The following DIAPH1 variants were observed in gnomAD, a reference collection of about 807,000 sequenced individuals.
DIAPH1 encodes diaphanous related formin 1, also known as protein diaphanous homolog 1.
In DIAPH1, 46 loss-of-function variants were observed where a neutral mutation model predicts 140.7. The observed-to-expected ratio is 0.33, with a 90% CI of 0.26 to 0.42. The LOEUF is 0.42. Ranked by LOEUF, DIAPH1 falls within the 10% of genes least tolerant of loss-of-function variation. DIAPH1 has a pLI of 1.00. For synonymous variants in DIAPH1, 565 were observed against 551.6 expected, an observed-to-expected ratio of 1.02 and a Z score of -0.34; for missense variants, 1,310 against 1,558.7, an observed-to-expected ratio of 0.84 and a Z score of 2.69.
rs1370810339 is a variant in DIAPH1, at chr5:141,587,161, TCTC to T, written c.178_180del (p.Glu60del). 6.2e-7 allele frequency: 1 copy of T among 1,614,102 alleles called. No homozygotes were observed. Among genetic ancestry groups the T allele is most frequent in the Non-Finnish European group, 8.5e-7 (1 of 1,179,996 alleles). ...CTATGAGCAGAATTGGGCTTTTCCT[TCTC>T]CTTCTTAATTCTCATGCTGGTAAAT... On this transcript the variant is annotated inframe_deletion, in exon 3 of 28. Transcript: ENST00000389054.
chr5:141,516,833 G>C lies in DIAPH1; in HGVS notation c.*18C>G. The C allele has an allele frequency of 1.2e-6, 2 of 1,613,612 alleles. No individual in the cohort carries two copies. The highest frequency in any genetic ancestry group is 1.7e-6 in the Non-Finnish European group (2 of 1,179,970). ...TCTGCGGCTCCGCTGAGGAGCTGCC[G>C]CGGTCACAGGACCCACATTAGCTTG... is the stretch of plus-strand genomic sequence containing the variant. On this transcript the variant is annotated 3_prime_UTR_variant, in exon 28 of 28. Coordinates refer to ENST00000389054, the MANE Select transcript of DIAPH1 (RefSeq NM_005219.5).
chr5:141,596,173 A>T (rs1039427325), intron 1 of DIAPH1, among the ~76,000 whole-genome samples: 1 of 152,132 alleles, frequency 6.6e-6, no homozygotes, highest in Non-Finnish European at 1.5e-5. Context: ...CTAAAAAATA[A>T]ATACAAAAAA....
At chr5:141,521,701 A>C (rs2099886565) in intron 27 of DIAPH1, among the ~76,000 whole-genome samples, 1 of 152,218 alleles carries the variant, frequency 6.6e-6, no homozygotes, top group Non-Finnish European at 1.5e-5. Flanking sequence ...TTTTAGCTCA[A>C]AGCAATCAGC....
At chr5:141,568,924 A>T (rs765144382) in intron 18 of DIAPH1, among the ~76,000 whole-genome samples, 2 of 152,162 alleles carry the variant, frequency 1.3e-5, no homozygotes, top group East Asian at 1.9e-4. Context: ...CTAGATAAAC[A>T]TGTCTTATTT....
intron 25 of DIAPH1, 55 bp from the exon 26 acceptor site, chr5:141,526,228 C>T (rs1459626830): frequency 6.2e-7 from 1 of 1,614,090 alleles, no homozygotes; most frequent in South Asian, 1.1e-5. Flanking sequence ...CTACTACCAG[C>T]CAACAGGAAC....
chr5:141,601,185 CCT>C lies in DIAPH1; in HGVS notation c.118-12937_118-12936del, dbSNP rs1229119547. 1.3e-3 allele frequency among the ~76,000 whole-genome samples: 197 copies of C among 150,366 alleles called. 1 individual carries two copies. Among genetic ancestry groups the C allele is most frequent in the African/African-American group, 4.7e-3 (191 of 40,784 alleles). ...GGCACATGTATACATATGTAACAAACCTGCACGTTGTACACATACACCCTAGA... is the reference window on the plus strand; with the variant it reads ...GGCACATGTATACATATGTAACAAACGCACGTTGTACACATACACCCTAGA... On this transcript the variant is annotated intron_variant, in intron 1 of 27. Coordinates refer to ENST00000389054, the MANE Select transcript of DIAPH1 (RefSeq NM_005219.5).
At chr5:141,582,479 G>A in intron 6 of DIAPH1, 104 bp from the exon 7 acceptor site, 2 of 841,794 alleles carry the variant, frequency 2.4e-6, no homozygotes, top group Non-Finnish European at 4.1e-6. Flanking sequence ...CCATCTAGCA[G>A]ATGAGTAAAT....
At chr5:141,563,753 T>C (rs1480995447) in intron 18 of DIAPH1, 2 of 152,198 alleles carry the variant, frequency 1.3e-5, no homozygotes, top group Admixed American at 1.3e-4. Context: ...AAAGCTGGGA[T>C]GGCTAGAAAG....
intron 1 of DIAPH1, among the ~76,000 whole-genome samples, chr5:141,608,067 G>C (rs995967459): frequency 6.6e-6 from 1 of 152,252 alleles, no homozygotes; most frequent in African/African-American, 2.4e-5. Flanking sequence ...TTCAGACAGG[G>C]TGGGAGATAA....
At chr5:141,541,525 TA>T (rs1026314423) in intron 18 of DIAPH1, among the ~76,000 whole-genome samples, 6 of 151,756 alleles carry the variant, frequency 4.0e-5, no homozygotes, top group African/African-American at 1.5e-4. Flanking sequence ...CTGTCTCTAC[TA>T]AAAACACAAA....
intron 18 of DIAPH1, chr5:141,558,217 G>A (rs891223177): frequency 6.6e-6 from 1 of 152,142 alleles, no homozygotes; most frequent in Non-Finnish European, 1.5e-5. Flanking sequence ...AAAGACAAAG[G>A]GCACAAGTCA....
chr5:141,540,210 G>C (rs2099889762), intron 18 of DIAPH1, among the ~76,000 whole-genome samples: 1 of 151,782 alleles, frequency 6.6e-6, no homozygotes, highest in African/African-American at 2.4e-5. Flanking sequence ...TCCGCCTCCT[G>C]GGTTCAAGCA....
At chr5:141,523,424 G>A (rs1459339061) in intron 27 of DIAPH1, among the ~76,000 whole-genome samples, 3 of 152,128 alleles carry the variant, frequency 2.0e-5, no homozygotes, top group Admixed American at 2.0e-4. Flanking sequence ...CCCTGAAAGG[G>A]AACTTATTCA....
Position 141,529,714 on chromosome 5 carries a change from T to C in DIAPH1, c.2582-17A>G. 1.2e-6 allele frequency: 2 copies of C among 1,602,786 alleles called. No individual in the cohort carries two copies. The highest frequency in any genetic ancestry group is 1.7e-6 in the Non-Finnish European group (2 of 1,169,736). ...AAAAGATTGCTGCCAGAAAATGAGA[T>C]ATTAAGACATGTTCTTCTCGGTCTG... On this transcript the variant is annotated splice_polypyrimidine_tract_variant and intron_variant, in intron 19 of 27. Coordinates refer to ENST00000389054, the MANE Select transcript of DIAPH1 (RefSeq NM_005219.5).
chr5:141,556,613 A>C (rs1416164857), intron 18 of DIAPH1, among the ~76,000 whole-genome samples: 1 of 152,212 alleles, frequency 6.6e-6, no homozygotes, highest in Admixed American at 6.5e-5. Flanking sequence ...ATCCTAAAGA[A>C]GAGGCTCTGC....
intron 18 of DIAPH1, among the ~76,000 whole-genome samples, chr5:141,556,067 G>C (rs958012536): frequency 6.6e-6 from 1 of 152,180 alleles, no homozygotes; most frequent in Non-Finnish European, 1.5e-5. Flanking sequence ...CATTTCAGAA[G>C]TGGGAGAAGA....
chr5:141,587,210 A>C lies in DIAPH1; in HGVS notation c.145-13T>G. On this transcript the variant is annotated splice_polypyrimidine_tract_variant and intron_variant, in intron 2 of 27. Transcript: ENST00000389054. ...TAAATCTCTCCAGCTGAGAAACAGA[A>C]AAAAGCATTAGCAGTGATCCATTTT... The C allele has an allele frequency of 6.2e-7, 1 of 1,613,528 alleles. No individual in the cohort carries two copies.
intron 27 of DIAPH1, among the ~76,000 whole-genome samples, chr5:141,520,442 C>T (rs12520873): frequency 0.18 from 27,400 of 152,008 alleles, 2,672 homozygotes; most frequent in Admixed American, 0.29. Context: ...GCCCTCCCCA[C>T]AGTAATGAGC....
chr5:141,521,932 C>G (rs928793388), intron 27 of DIAPH1, among the ~76,000 whole-genome samples: 3 of 152,164 alleles, frequency 2.0e-5, no homozygotes, highest in Non-Finnish European at 4.4e-5. Flanking sequence ...TCATTTTATA[C>G]CTGAGGAACT....
Sources: allele counts gnomAD v4.1 joint callset (sites outside exome capture counted in the v4.1 genomes callset), GRCh38; gene constraint gnomAD v4.1.1; transcripts MANE v1.5; gene names NCBI Gene and HGNC (gene_info 2026-07-23, HGNC 2026-07-21).